The following GPC6 variants were observed in gnomAD, a reference collection of about 807,000 sequenced individuals.
GPC6 encodes glypican-6.
GPC6 carries 14 observed loss-of-function variants against 55.2 expected under a neutral mutation model. That is an observed-to-expected ratio of 0.25 (90% CI 0.17 to 0.40). The LOEUF is 0.40. Ranked by LOEUF, GPC6 falls within the 10% of genes least tolerant of loss-of-function variation. The pLI is 1.00. For synonymous variants in GPC6, 278 were observed against 259.6 expected, an observed-to-expected ratio of 1.07 and a Z score of -0.68; for missense variants, 641 against 708.5, an observed-to-expected ratio of 0.90 and a Z score of 1.08.
chr13:93,713,443 A>G lies in GPC6; in HGVS notation c.320-116711A>G, dbSNP rs190640926. On this transcript the variant is annotated intron_variant, in intron 2 of 8. Transcript: ENST00000377047. ...ATAAAGATGAGAAAAATAAATAACA[A>G]TGTCAGAAACAAAAAAGGGAGAGAA... Among the ~76,000 whole-genome samples the G allele has an allele frequency of 4.5e-3, 683 of 151,780 alleles. 6 individuals are homozygous for G. Among genetic ancestry groups the G allele is most frequent in the African/African-American group, 0.015 (626 of 41,480 alleles).
chr13:94,263,952 A>T (rs927463808), intron 4 of GPC6, among the ~76,000 whole-genome samples: 1 of 152,090 alleles, frequency 6.6e-6, no homozygotes, highest in African/African-American at 2.4e-5. Flanking sequence ...TGTAGAGTGT[A>T]TGTGTCACTG....
At chr13:94,089,329 T>A (rs1357144879) in intron 4 of GPC6, among the ~76,000 whole-genome samples, 1 of 152,148 alleles carries the variant, frequency 6.6e-6, no homozygotes, top group Non-Finnish European at 1.5e-5. Flanking sequence ...AGACTTTCAA[T>A]GACATCGCAG....
chr13:94,248,163 T>G (rs921653251), intron 4 of GPC6, among the ~76,000 whole-genome samples: 2 of 152,092 alleles, frequency 1.3e-5, no homozygotes, highest in South Asian at 4.1e-4. Context: ...GTAGAAGCCT[T>G]AAGAGTCATG....
intron 1 of GPC6, among the ~76,000 whole-genome samples, chr13:93,544,333 GA>G (rs59243992): frequency 0.28 from 43,198 of 151,902 alleles, 6,312 homozygotes; most frequent in African/African-American, 0.33. Flanking sequence ...CATTATAAAT[GA>G]ATTTTAATCA....
At position 94,004,506 on chromosome 13, in the gene GPC6, T is replaced by G. The variant is rs1464143107; in HGVS notation, c.712-23223T>G. 8.5e-5 allele frequency among the ~76,000 whole-genome samples: 13 copies of G among 152,256 alleles called. No homozygotes were observed. The South Asian group carries it at 2.7e-3, about 32-fold the overall frequency. ...TGGAACATATTGGAGAATATAGATGTTTTAATTGAACTTAATCCTTTTTAT... is the reference window on the plus strand; with the variant it reads ...TGGAACATATTGGAGAATATAGATGGTTTAATTGAACTTAATCCTTTTTAT... On this transcript the variant is annotated intron_variant, in intron 3 of 8. Transcript: ENST00000377047.
intron 4 of GPC6, among the ~76,000 whole-genome samples, chr13:94,257,778 G>A (rs72647607): frequency 0.058 from 8,841 of 152,146 alleles, 372 homozygotes; most frequent in Middle Eastern, 0.085. Context: ...TACTGCAACC[G>A]CCCTGGCAAA....
chr13:94,407,868 C>G lies in GPC6; in HGVS notation c.*4651C>G, dbSNP rs760297184. Reference sequence around the variant, plus strand: ...CACAAATGCTTATTGAACTCTTATTCTCTATAAACCCTGCTCTAGGGGATT... The same window carrying G: ...CACAAATGCTTATTGAACTCTTATTGTCTATAAACCCTGCTCTAGGGGATT... On this transcript the variant is annotated 3_prime_UTR_variant, in exon 9 of 9. Transcript: ENST00000377047. Among the ~76,000 whole-genome samples the G allele has an allele frequency of 3.9e-5, 6 of 152,134 alleles. No homozygotes were observed. The highest frequency in any genetic ancestry group is 7.4e-5 in the Non-Finnish European group (5 of 67,996).
At chr13:93,987,092 T>G (rs1881063981) in intron 3 of GPC6, among the ~76,000 whole-genome samples, 1 of 152,166 alleles carries the variant, frequency 6.6e-6, no homozygotes, top group Non-Finnish European at 1.5e-5. Flanking sequence ...ATTTGTGAAG[T>G]CGACTAATAC....
rs1449438942 is a variant in GPC6, at chr13:94,119,389, C to T, written c.877+91495C>T. ...AGGGGATGTTTGCTCCTTTAAATGG[C>T]GTGGTCAGGGAAAGCTTCACTGACA... On this transcript the variant is annotated intron_variant, in intron 4 of 8. Transcript: ENST00000377047. 4.0e-5 allele frequency among the ~76,000 whole-genome samples: 6 copies of T among 151,388 alleles called. 1 individual carries two copies. Among genetic ancestry groups the T allele is most frequent in the Middle Eastern group, 6.4e-3 (2 of 314 alleles).
chr13:93,771,375 C>T (rs529092761), intron 2 of GPC6, among the ~76,000 whole-genome samples: 16 of 152,250 alleles, frequency 1.1e-4, no homozygotes, highest in South Asian at 2.1e-4. Context: ...ATTTTCACTC[C>T]GTGGCTAATT....
chr13:93,989,669 AT>A (rs1184359227), intron 3 of GPC6, among the ~76,000 whole-genome samples: 1 of 152,130 alleles, frequency 6.6e-6, no homozygotes, highest in Non-Finnish European at 1.5e-5. Context: ...TCAGACTGGA[AT>A]TTCAATTATT....
intron 3 of GPC6, among the ~76,000 whole-genome samples, chr13:93,836,418 T>G (rs1485953637): frequency 1.3e-5 from 2 of 152,166 alleles, no homozygotes; most frequent in African/African-American, 4.8e-5. Context: ...TGTCCTTCTG[T>G]GGTGGTTTTT....
intron 4 of GPC6, among the ~76,000 whole-genome samples, chr13:94,069,396 G>T (rs370864061): frequency 1.3e-5 from 2 of 152,118 alleles, no homozygotes; most frequent in East Asian, 3.9e-4. Flanking sequence ...GGGAGGGGCT[G>T]CAGCAAAGTT....
rs116364891 is a variant in GPC6 at position 93,618,555 on chromosome 13, A to G, written c.319+73134A>G. On this transcript the variant is annotated intron_variant, in intron 2 of 8. Coordinates refer to ENST00000377047, the MANE Select transcript of GPC6 (RefSeq NM_005708.5). ...AGAGGGCTTAGCAAAACAGATGTCC[A>G]AGGAGCCTCAGTAAACTCAATGTCT... Among the ~76,000 whole-genome samples, 996 of 152,240 alleles carry G rather than the reference A, an allele frequency of 6.5e-3. 18 individuals are homozygous for G. The highest frequency in any genetic ancestry group is 0.022 in the African/African-American group (931 of 41,546).
chr13:94,349,483 C>A (rs1878433220), intron 6 of GPC6, among the ~76,000 whole-genome samples: 1 of 152,150 alleles, frequency 6.6e-6, no homozygotes, highest in Admixed American at 6.5e-5. Flanking sequence ...ATAGATGGAT[C>A]CACATTGCCT....
At chr13:93,858,559 A>T (rs1414106354) in intron 3 of GPC6, among the ~76,000 whole-genome samples, 2 of 151,634 alleles carry the variant, frequency 1.3e-5, no homozygotes, top group Non-Finnish European at 3.0e-5. Context: ...TGGACAAATC[A>T]GCAAAGACGA....
In GPC6 at chr13:93,513,876, C is replaced by CTTTTTT. The variant is rs56333946; in HGVS notation, c.161-31374_161-31369dup. ...GAACGAATCCTTTGCTGAATGATGG[C>CTTTTTT]TTTTTTTTTTTTTTTTTTCGGTGTT... On this transcript the variant is annotated intron_variant, in intron 1 of 8. Transcript: ENST00000377047. 6.3e-5 allele frequency among the ~76,000 whole-genome samples: 7 copies of CTTTTTT among 110,238 alleles called. 1 individual carries two copies. Among genetic ancestry groups the CTTTTTT allele is most frequent in the Admixed American group, 4.4e-4 (4 of 9,166 alleles). The allele number at this position is 110,238 out of a possible 152,430, so 72.3% of individuals were successfully genotyped here. A position where few individuals can be genotyped will look rare whatever the true frequency, so the allele number is the denominator to read the frequency against.
At chr13:93,723,799 T>C (rs1883534833) in intron 2 of GPC6, among the ~76,000 whole-genome samples, 1 of 151,984 alleles carries the variant, frequency 6.6e-6, no homozygotes, top group Non-Finnish European at 1.5e-5. Context: ...AATAGAAGAT[T>C]GTTGAATAAG....
chr13:93,863,326 A>G (rs1387591594), intron 3 of GPC6, among the ~76,000 whole-genome samples: 1 of 151,708 alleles, frequency 6.6e-6, no homozygotes, highest in Non-Finnish European at 1.5e-5. Flanking sequence ...CAGAGACCAT[A>G]TGGCCTACAA....
Sources: allele counts gnomAD v4.1 joint callset (sites outside exome capture counted in the v4.1 genomes callset), GRCh38; gene constraint gnomAD v4.1.1; transcripts MANE v1.5; gene names NCBI Gene and HGNC (gene_info 2026-07-23, HGNC 2026-07-21).